Variants in MTFR1 observed in about 807,000 individuals in gnomAD.
The protein encoded by MTFR1 is chondrocyte protein with a poly-proline region.
In MTFR1, 28 loss-of-function variants were observed where a neutral mutation model predicts 38.8. That is an observed-to-expected ratio of 0.72 (90% CI 0.53 to 0.99). The LOEUF (loss-of-function observed/expected upper bound fraction) is 0.99, where lower values mean the gene tolerates loss of function less well. MTFR1 is among the 50% of genes least tolerant of loss of function. The pLI is 0.00. For missense variants in MTFR1, 358 were observed against 395.5 expected, an observed-to-expected ratio of 0.91 and a Z score of 0.81; for synonymous variants, 145 against 137.0, an observed-to-expected ratio of 1.06 and a Z score of -0.41.
intron 3 of MTFR1, among the ~76,000 whole-genome samples, chr8:65,683,172 G>C (rs1804959932): frequency 8.6e-6 from 1 of 115,906 alleles, no homozygotes; most frequent in Admixed American, 1.1e-4. Flanking sequence ...CTTGCCTGTT[G>C]CCAGGCTGGA....
intron 3 of MTFR1, among the ~76,000 whole-genome samples, chr8:65,690,191 G>A (rs1015380459): frequency 2.0e-5 from 3 of 152,104 alleles, no homozygotes; most frequent in African/African-American, 7.2e-5. Context: ...TACTATTTAT[G>A]ATATCCTGAA....
At chr8:65,661,739 G>A (rs1254488672) in intron 1 of MTFR1, among the ~76,000 whole-genome samples, 1 of 152,098 alleles carries the variant, frequency 6.6e-6, no homozygotes, top group Non-Finnish European at 1.5e-5. Flanking sequence ...CGAGGCGGGA[G>A]GATCACTTGA....
intron 3 of MTFR1, among the ~76,000 whole-genome samples, chr8:65,692,583 G>T (rs1297585853): frequency 6.6e-6 from 1 of 151,236 alleles, no homozygotes; most frequent in African/African-American, 2.4e-5. Context: ...CAAGTGATCC[G>T]CCTGCCTTGG....
Position 65,707,976 on chromosome 8 carries a change from AAGTCTGAATCAG to A in MTFR1, c.901_912del (p.Ser301_Glu304del). The stretch of plus-strand genomic sequence containing the variant: ...AGATGAAGTTGAAAAAGGAATTCCA[AAGTCTGAATCAG>A]AGGCCACCTCAGAGAGAGTGTTGGT... On this transcript the variant is annotated inframe_deletion, in exon 7 of 8. Transcript: ENST00000262146. 4.3e-6 allele frequency: 7 copies of A among 1,613,418 alleles called. No individual in the cohort carries two copies. Among genetic ancestry groups the A allele is most frequent in the Non-Finnish European group, 5.9e-6 (7 of 1,179,862 alleles).
chr8:65,772,073 C>T (rs552012849), downstream of MTFR1, among the ~76,000 whole-genome samples: 5 of 151,702 alleles, frequency 3.3e-5, no homozygotes, highest in African/African-American at 9.7e-5. Context: ...ATACAAAAAC[C>T]CAAAGGATTT....
intron 1 of MTFR1, among the ~76,000 whole-genome samples, chr8:65,655,731 C>A (rs1175843994): frequency 1.3e-5 from 2 of 151,276 alleles, no homozygotes; most frequent in African/African-American, 4.9e-5. Context: ...AGGTAGATAA[C>A]CTGAGGTCAG....
intron 5 of MTFR1, among the ~76,000 whole-genome samples, chr8:65,705,652 C>T (rs762394343): frequency 1.3e-5 from 2 of 152,172 alleles, no homozygotes; most frequent in Non-Finnish European, 2.9e-5. Flanking sequence ...GTGTTTACTA[C>T]CTGCATGTCT....
At chr8:65,675,507 G>C (rs928270132) in intron 2 of MTFR1, among the ~76,000 whole-genome samples, 1 of 151,340 alleles carries the variant, frequency 6.6e-6, no homozygotes, top group Non-Finnish European at 1.5e-5. Flanking sequence ...GCTGAGGCAG[G>C]AGAATGGCGT....
At chr8:65,764,223 C>A (rs1808655026) in intron 3 of MTFR1, among the ~76,000 whole-genome samples, 1 of 152,004 alleles carries the variant, frequency 6.6e-6, no homozygotes, top group South Asian at 2.1e-4. Flanking sequence ...TGGGATATCG[C>A]CATAAACTAT....
chr8:65,765,316 C>T (rs1472612833), intron 3 of MTFR1, among the ~76,000 whole-genome samples: 2 of 150,542 alleles, frequency 1.3e-5, no homozygotes, highest in African/African-American at 2.4e-5. Context: ...GGTGAAACCC[C>T]GTCTCTACTA....
chr8:65,744,623 A>G (rs1275655836), intron 3 of MTFR1, among the ~76,000 whole-genome samples: 1 of 152,160 alleles, frequency 6.6e-6, no homozygotes, highest in African/African-American at 2.4e-5. Flanking sequence ...CCCATTCCCT[A>G]TCTGAAAGCA....
At chr8:65,715,271 C>G (rs527919974), downstream of MTFR1, among the ~76,000 whole-genome samples, 1 of 152,144 alleles carries the variant, frequency 6.6e-6, no homozygotes, top group South Asian at 2.1e-4. Context: ...TGCAGTGTCT[C>G]ACACCTGTAA....
intron 3 of MTFR1, among the ~76,000 whole-genome samples, chr8:65,752,033 TAC>T (rs1432429795): frequency 6.6e-6 from 1 of 152,212 alleles, no homozygotes; most frequent in Non-Finnish European, 1.5e-5. Context: ...GCTACAGTTT[TAC>T]AGTTTGCAAG....
In MTFR1 at chr8:65,669,949, A is replaced by G. The variant is rs761687398; in HGVS notation, c.-4A>G. ...TGCAAATTTGGGGAGACTTTGCCAT[A>G]TAAATGCTTGGCTGGATTAAGCGCC... On this transcript the variant is annotated 5_prime_UTR_variant, in exon 2 of 8. The change creates a new upstream start codon in the 5' untranslated region. Coordinates refer to ENST00000262146, the MANE Select transcript of MTFR1 (RefSeq NM_014637.4). 1.3e-5 allele frequency: 21 copies of G among 1,606,320 alleles called. No individual in the cohort carries two copies. Among genetic ancestry groups the G allele is most frequent in the Non-Finnish European group, 1.8e-5 (21 of 1,178,416 alleles).
At chr8:65,678,297 G>GA (rs1270209372) in intron 2 of MTFR1, among the ~76,000 whole-genome samples, 1 of 151,958 alleles carries the variant, frequency 6.6e-6, no homozygotes, top group Non-Finnish European at 1.5e-5. Context: ...GGGCTGAATA[G>GA]AAAAAAATAG....
At chr8:65,758,177 A>C (rs1335473327) in intron 3 of MTFR1, among the ~76,000 whole-genome samples, 2 of 152,280 alleles carry the variant, frequency 1.3e-5, no homozygotes, top group Non-Finnish European at 1.5e-5. Flanking sequence ...GAACTAGTGA[A>C]CCATTTTTAC....
At chr8:65,713,208 A>G (rs941240709), downstream of MTFR1, among the ~76,000 whole-genome samples, 3 of 152,220 alleles carry the variant, frequency 2.0e-5, no homozygotes, top group African/African-American at 7.2e-5. Flanking sequence ...TGGGAGGCTG[A>G]GGCGGGTGGA....
At chr8:65,771,586 GCACGCAGTGGCT>G (rs1333419793), downstream of MTFR1, among the ~76,000 whole-genome samples, 1 of 152,154 alleles carries the variant, frequency 6.6e-6, no homozygotes, top group East Asian at 1.9e-4. Context: ...CTGGCTGGGC[GCACGCAGTGGCT>G]CACGCGGTGG....
intron 3 of MTFR1, among the ~76,000 whole-genome samples, chr8:65,748,466 T>C (rs1379804998): frequency 6.6e-6 from 1 of 152,202 alleles, no homozygotes; most frequent in African/African-American, 2.4e-5. Flanking sequence ...ATAGCCATTT[T>C]TTCCCTCTAG....
Sources: allele counts gnomAD v4.1 joint callset (sites outside exome capture counted in the v4.1 genomes callset), GRCh38; gene constraint gnomAD v4.1.1; transcripts MANE v1.5; gene names NCBI Gene and HGNC (gene_info 2026-07-23, HGNC 2026-07-21).